CNR1: variants seen among roughly 807,000 people sequenced by gnomAD.
CNR1 encodes cannabinoid receptor 1 (brain).
A neutral mutation model predicts 23.0 loss-of-function variants in CNR1; 10 were observed. The ratio of observed to expected loss-of-function variants is 0.43; its 90% CI spans 0.27 to 0.74. CNR1 has a LOEUF of 0.74. Ranked by LOEUF, CNR1 falls within the 30% of genes least tolerant of loss-of-function variation. CNR1 has a pLI of 0.19. For synonymous variants in CNR1, 271 were observed against 255.2 expected (o/e 1.06, Z -0.59); for missense variants, 422 against 618.8 (o/e 0.68, Z 3.37).
At chr6:88,162,209 G>A (rs182284007) in intron 1 of CNR1, among the ~76,000 whole-genome samples, 11 of 152,138 alleles carry the variant, frequency 7.2e-5, no homozygotes, top group Non-Finnish European at 4.4e-5. Flanking sequence ...CTTTGAATGC[G>A]GACATTTCCC....
chr6:88,166,374 A>G (rs1582388544), upstream of CNR1: 1 of 152,268 alleles, frequency 6.6e-6, no homozygotes, highest in Admixed American at 6.5e-5. Context: ...AGTCCCATTT[A>G]TGAAGCGCGG....
Position 88,144,297 on chromosome 6 carries a change from C to T in CNR1, c.978G>A (p.Lys326=). ...CTTGGTCTGGCCGGGTCACCTGTAC[C>T]TTCCCATCCTCAGACGTGTGGATGA... The part of the protein sequence containing the change: ...SIIIHTSEDG[K]VQVTRPDQAR... The change falls in exon 2 of 2, where the codon AAG becomes AAA. Residue 326 remains lysine, a synonymous_variant. Transcript: ENST00000369501. The surrounding 1 kb of genome is among the most constrained non-coding windows in gnomAD (Gnocchi z 7.8). 1.2e-6 allele frequency: 2 copies of T among 1,612,198 alleles called. No individual in the cohort carries two copies. The highest frequency in any genetic ancestry group is 1.7e-6 in the Non-Finnish European group (2 of 1,179,986).
At chr6:88,153,885 T>C (rs886371003) in intron 1 of CNR1, among the ~76,000 whole-genome samples, 2 of 152,180 alleles carry the variant, frequency 1.3e-5, no homozygotes, top group Non-Finnish European at 2.9e-5. Context: ...GGGCAATGAG[T>C]CTTTTCTAAC....
upstream of CNR1, among the ~76,000 whole-genome samples, chr6:88,167,160 C>T (rs558288090): frequency 1.4e-4 from 21 of 152,198 alleles, no homozygotes; most frequent in South Asian, 1.0e-3. Context: ...GCGCCCCCTC[C>T]CCGGCCACCC....
rs1310609316 is a variant in CNR1, at chr6:88,145,159, G to A, written c.116C>T (p.Ser39Phe). Residue 39 changes from serine (S) to phenylalanine (F), a missense_variant, in exon 2 of 2, where the codon TCC becomes TTC. Ser to Phe is a radical substitution (Grantham distance 155, BLOSUM62 -2). Around this residue, in one of 4 missense-constraint regions of CNR1, gnomAD observed 120 missense variants for 117.6 expected, o/e 1.02. Transcript: ENST00000369501. ...TTTCTGTGGGAAGTACCCTAATTTG[G>A]ATGCCATGTCACCTTTGATGTCTTC... ...QYEDIKGDMA[S>F]KLGYFPQKFP... The A allele has an allele frequency of 1.2e-6, 2 of 1,614,176 alleles. No homozygotes were observed. The highest frequency in any genetic ancestry group is 1.7e-6 in the Non-Finnish European group (2 of 1,180,018).
chr6:88,152,648 G>C (rs1007151901), intron 1 of CNR1, among the ~76,000 whole-genome samples: 2 of 152,216 alleles, frequency 1.3e-5, no homozygotes, highest in Non-Finnish European at 2.9e-5. Flanking sequence ...ATTTTATGTA[G>C]TTCAAAGATC....
chr6:88,144,688 A>G lies in CNR1; in HGVS notation c.587T>C (p.Val196Ala). 6.2e-7 allele frequency: 1 copy of G among 1,614,136 alleles called. No homozygotes were observed. The highest frequency in any genetic ancestry group is 8.5e-7 in the Non-Finnish European group (1 of 1,180,028). ...CACGGAGGCAGTGAAGGAGGCCGTG[A>G]CCCCACCCAGTTTGAACAGAAACAC... ...RNVFLFKLGG[V>A]TASFTASVGS... Residue 196 changes from valine to alanine, a missense_variant, in exon 2 of 2, where the codon GTC becomes GCC. By Grantham distance (64) the Val-to-Ala change is moderately conservative. This residue lies in a region of CNR1 where 211 missense variants were observed against 357.3 expected (regional missense o/e 0.59). Transcript: ENST00000369501. The surrounding 1 kb of genome is among the most constrained non-coding windows in gnomAD (Gnocchi z 7.8).
intron 1 of CNR1, among the ~76,000 whole-genome samples, chr6:88,152,519 T>A (rs1582351938): frequency 1.3e-5 from 2 of 152,360 alleles, no homozygotes; most frequent in East Asian, 3.9e-4. Flanking sequence ...AGCACTTTCA[T>A]TAAAACAAAC....
At chr6:88,152,235 A>G (rs1230150523) in intron 1 of CNR1, among the ~76,000 whole-genome samples, 3 of 150,054 alleles carry the variant, frequency 2.0e-5, no homozygotes, top group African/African-American at 7.4e-5. Context: ...AAAAAAAAAA[A>G]AGAAATGTAA....
intron 1 of CNR1, among the ~76,000 whole-genome samples, chr6:88,162,306 T>C (rs142981676): frequency 7.7e-4 from 118 of 152,372 alleles, no homozygotes; most frequent in African/African-American, 2.7e-3. Context: ...AGTCATGATT[T>C]ACATCTATAA....
Position 88,140,539 on chromosome 6 carries a change from T to G in CNR1, c.*3317A>C, listed in dbSNP as rs1256144386. 6.5e-6 allele frequency: 1 copy of G among 152,774 alleles called. No homozygotes were observed. Among genetic ancestry groups the G allele is most frequent in the East Asian group, 1.9e-4 (1 of 5,336 alleles). The allele number at this position is 152,774 out of a possible 1,614,324, so 9.5% of individuals were successfully genotyped here. On this transcript the variant is annotated 3_prime_UTR_variant, in exon 2 of 2. Transcript: ENST00000369501. ...AGAAGGCCAGTGCAAGACAATTAATTGTTAATAGCCATTGCCCAGCATTTA... is the reference window on the plus strand; with the variant it reads ...AGAAGGCCAGTGCAAGACAATTAATGGTTAATAGCCATTGCCCAGCATTTA...
chr6:88,140,952 A>G lies in CNR1; in HGVS notation c.*2904T>C, dbSNP rs1340746996. ...ACTTGTGCAAATGAAACATTCTAGG[A>G]CTGATTCATCATGACTCTGATAAAA... On this transcript the variant is annotated 3_prime_UTR_variant, in exon 2 of 2. Coordinates refer to ENST00000369501, the MANE Select transcript of CNR1 (RefSeq NM_016083.6). The G allele has an allele frequency of 6.8e-6, 1 of 148,088 alleles. No homozygotes were observed. The highest frequency in any genetic ancestry group is 1.9e-4 in the East Asian group (1 of 5,190). 9.2% of individuals were successfully genotyped at this position (148,088 alleles called of 1,614,324 possible).
chr6:88,144,947 C>T lies in CNR1; in HGVS notation c.328G>A (p.Val110Ile). 6.2e-7 allele frequency: 1 copy of T among 1,614,162 alleles called. No homozygotes were observed. The highest frequency in any genetic ancestry group is 8.5e-7 in the Non-Finnish European group (1 of 1,180,002). Reference sequence around the variant, plus strand: ...GCCAGCTGCTGGCTGGGGTTCAGGACCATGAAACACTCTATGTCCATGAAG... The same window carrying T: ...GCCAGCTGCTGGCTGGGGTTCAGGATCATGAAACACTCTATGTCCATGAAG... ...ENFMDIECFMVLNPSQQLAIA... is the reference protein window; with the variant it reads ...ENFMDIECFMILNPSQQLAIA... The change falls in exon 2 of 2, where the codon GTC (valine) becomes ATC (isoleucine). Residue 110 changes from valine (V) to isoleucine (I), a missense_variant. Transcript: ENST00000369501. This position sits in a 1 kb window ranked among gnomAD's most constrained non-coding sequence, Gnocchi z 7.8.
At chr6:88,148,394 A>C (rs1276024212) in intron 1 of CNR1, among the ~76,000 whole-genome samples, 1 of 152,194 alleles carries the variant, frequency 6.6e-6, no homozygotes. Flanking sequence ...CTTACTGGGG[A>C]CTTTATCTTA....
intron 1 of CNR1, 55 bp from the exon 2 acceptor site, chr6:88,145,392 CAAAG>C: frequency 1.2e-6 from 1 of 815,896 alleles, no homozygotes. Context: ...AGAATAAAAA[CAAAG>C]AGACACTGTA....
upstream of CNR1, among the ~76,000 whole-genome samples, chr6:88,166,983 G>C (rs1778396215): frequency 6.6e-6 from 1 of 151,884 alleles, no homozygotes; most frequent in South Asian, 2.1e-4. Flanking sequence ...CGGTCGCGCG[G>C]CCACCTGTCC....
chr6:88,163,032 A>G (rs928300456), intron 1 of CNR1: 1 of 152,216 alleles, frequency 6.6e-6, no homozygotes, highest in African/African-American at 2.4e-5. Context: ...CTGAGCTAAC[A>G]TGGAATTTGG....
rs536370821 is a variant in CNR1, at chr6:88,166,290, C to G, written c.-551G>C. The stretch of plus-strand genomic sequence containing the variant: ...CCGCCCGTCTCCGCCAGCCCGGGCG[C>G]CCGTCGCCTCGTCCCGCTCGCGCAG... On this transcript the variant is annotated 5_prime_UTR_variant, in exon 1 of 2. Coordinates refer to ENST00000369501, the MANE Select transcript of CNR1 (RefSeq NM_016083.6). 1.3e-5 allele frequency: 2 copies of G among 152,612 alleles called. No individual in the cohort carries two copies. The highest frequency in any genetic ancestry group is 1.5e-5 in the Non-Finnish European group (1 of 68,310). The allele number at this position is 152,612 out of a possible 1,614,324, so 9.5% of individuals were successfully genotyped here.
chr6:88,161,022 T>C (rs1399718818), intron 1 of CNR1, among the ~76,000 whole-genome samples: 1 of 152,126 alleles, frequency 6.6e-6, no homozygotes, highest in East Asian at 1.9e-4. Flanking sequence ...TTATTTGCCT[T>C]TTGTGTTGAG....
Sources: gnomAD v4.1 joint callset for allele counts (sites outside exome capture counted in the v4.1 genomes callset) on GRCh38, gnomAD v4.1.1 for gene constraint, gnomAD v4.1.1 regional missense constraint, Gnocchi (gnomAD v3.1) non-coding constraint, MANE v1.5 for transcripts, NCBI Gene and HGNC (gene_info 2026-07-23, HGNC 2026-07-21) for gene names.